The following NHEJ1 variants were observed in gnomAD, a reference collection of about 807,000 sequenced individuals.
NHEJ1 encodes the protein non-homologous end-joining factor 1.
A neutral mutation model predicts 39.4 loss-of-function variants in NHEJ1; 22 were observed. The observed-to-expected ratio is 0.56, with a 90% CI of 0.40 to 0.80. NHEJ1 has a LOEUF of 0.80. NHEJ1 is among the 30% of genes least tolerant of loss of function. The pLI is 0.00. For missense variants in NHEJ1, 329 were observed against 357.1 expected, an observed-to-expected ratio of 0.92 and a Z score of 0.63; for synonymous variants, 154 against 135.6, an observed-to-expected ratio of 1.14 and a Z score of -0.94.
In NHEJ1 at chr2:219,115,828, A is replaced by G. The variant is rs1214024087; in HGVS notation, c.588+30852T>C. Among the ~76,000 whole-genome samples the G allele has an allele frequency of 5.3e-5, 8 of 152,234 alleles. No individual in the cohort carries two copies. The East Asian group carries it at 1.5e-3, about 29-fold the overall frequency. ...ATAAGAAAAAGATGTTATCACATCA[A>G]ATATAATTCCTGGCCTGGCCCGGTG... On this transcript the variant is annotated intron_variant, in intron 5 of 7. Transcript: ENST00000356853.
intron 5 of NHEJ1, among the ~76,000 whole-genome samples, chr2:219,122,070 A>G (rs905891393): frequency 6.6e-6 from 1 of 152,214 alleles, no homozygotes; most frequent in Non-Finnish European, 1.5e-5. Context: ...AGACCACTTT[A>G]TAAGCAAGAA....
At chr2:219,077,754 G>A (rs1462275373) in intron 6 of NHEJ1, among the ~76,000 whole-genome samples, 2 of 151,982 alleles carry the variant, frequency 1.3e-5, no homozygotes, top group Non-Finnish European at 2.9e-5. Context: ...GAGGTTACTG[G>A]TGTGAGCCAC....
At chr2:219,123,373 A>C (rs1364039988) in intron 5 of NHEJ1, among the ~76,000 whole-genome samples, 1 of 152,248 alleles carries the variant, frequency 6.6e-6, no homozygotes, top group Non-Finnish European at 1.5e-5. Context: ...TCTACGACTG[A>C]TGCAGTGAGA....
chr2:219,151,127 C>CAAA (rs59576120), intron 3 of NHEJ1, among the ~76,000 whole-genome samples: 21 of 55,960 alleles, frequency 3.8e-4, no homozygotes, highest in African/African-American at 9.3e-4. Context: ...GACCTTATCT[C>CAAA]AAAAAAAAAA....
intron 5 of NHEJ1, among the ~76,000 whole-genome samples, chr2:219,107,799 G>C (rs1949327736): frequency 1.3e-5 from 2 of 152,110 alleles, no homozygotes; most frequent in South Asian, 4.2e-4. Context: ...AAGGGCTCTA[G>C]AAGCTCCAAG....
At chr2:219,124,331 A>G (rs1381979497) in intron 5 of NHEJ1, among the ~76,000 whole-genome samples, 1 of 152,194 alleles carries the variant, frequency 6.6e-6, no homozygotes, top group Admixed American at 6.5e-5. Flanking sequence ...GTAAGCTTTA[A>G]AAGGTTCCAT....
At chr2:219,155,341 G>T (rs1949842962) in intron 3 of NHEJ1, among the ~76,000 whole-genome samples, 1 of 151,992 alleles carries the variant, frequency 6.6e-6, no homozygotes, top group South Asian at 2.1e-4. Flanking sequence ...AAGGCAGGAG[G>T]ATTGCTTGAG....
intron 5 of NHEJ1, among the ~76,000 whole-genome samples, chr2:219,130,984 C>T (rs1340862159): frequency 6.6e-6 from 1 of 151,890 alleles, no homozygotes; most frequent in Non-Finnish European, 1.5e-5. Context: ...CCCAGCTACT[C>T]GGGAGGCTGA....
intron 5 of NHEJ1, among the ~76,000 whole-genome samples, chr2:219,136,880 G>A (rs975353344): frequency 6.6e-6 from 1 of 152,104 alleles, no homozygotes; most frequent in Admixed American, 6.6e-5. Context: ...TGGGATTACA[G>A]ACCTGAGCCA....
chr2:219,150,681 C>T (rs183517882), intron 3 of NHEJ1, among the ~76,000 whole-genome samples: 7 of 152,132 alleles, frequency 4.6e-5, no homozygotes, highest in South Asian at 4.2e-4. Context: ...ATTGGCCGGA[C>T]GCAGTGGCTC....
intron 3 of NHEJ1, among the ~76,000 whole-genome samples, chr2:219,157,033 T>C (rs1029082591): frequency 6.6e-6 from 1 of 152,206 alleles, no homozygotes; most frequent in Non-Finnish European, 1.5e-5. Flanking sequence ...ATTTATTTTC[T>C]CCTACTCATC....
intron 1 of NHEJ1, among the ~76,000 whole-genome samples, chr2:219,159,528 T>TATATATGTATGC (rs1553549779): frequency 1.1e-5 from 1 of 92,236 alleles, no homozygotes; most frequent in Admixed American, 1.1e-4. Flanking sequence ...TATATATGCA[T>TATATATGTATGC]ATATATATGC....
At chr2:219,156,968 C>T (rs997651541) in intron 3 of NHEJ1, among the ~76,000 whole-genome samples, 18 of 152,182 alleles carry the variant, frequency 1.2e-4, no homozygotes, top group African/African-American at 4.3e-4. Context: ...ATGAAGTTCC[C>T]GAACTTGCTC....
chr2:219,128,615 G>A (rs941917909), intron 5 of NHEJ1, among the ~76,000 whole-genome samples: 2 of 152,080 alleles, frequency 1.3e-5, no homozygotes, highest in Non-Finnish European at 2.9e-5. Flanking sequence ...CCAAGCACGC[G>A]ACTTCCAGCA....
At chr2:219,084,763 T>C (rs1364419460) in intron 5 of NHEJ1, among the ~76,000 whole-genome samples, 3 of 152,188 alleles carry the variant, frequency 2.0e-5, no homozygotes, top group African/African-American at 7.2e-5. Flanking sequence ...CCCCTGCTTC[T>C]CAAAGCTCTC....
intron 5 of NHEJ1, chr2:219,102,624 T>C (rs1949273348): frequency 6.6e-6 from 1 of 151,800 alleles, no homozygotes; most frequent in Admixed American, 6.6e-5. Context: ...CAACACAGGT[T>C]GTTAACAGAG....
chr2:219,134,687 A>G (rs1267157249), intron 5 of NHEJ1, among the ~76,000 whole-genome samples: 1 of 152,130 alleles, frequency 6.6e-6, no homozygotes, highest in Non-Finnish European at 1.5e-5. Flanking sequence ...CTGAGCTTCA[A>G]CCCTAGTTTT....
chr2:219,091,657 T>C lies in NHEJ1; in HGVS notation c.589-13451A>G, dbSNP rs190670223. 6.4e-4 allele frequency among the ~76,000 whole-genome samples: 97 copies of C among 152,290 alleles called. 1 individual carries two copies. Among genetic ancestry groups the C allele is most frequent in the Non-Finnish European group, 1.1e-3 (72 of 68,016 alleles). ...GCTAAGCTAGCCTGAGGTCTAGCAATGTTGAATTCGACTCTAGGAAATATA... is the reference window on the plus strand; with the variant it reads ...GCTAAGCTAGCCTGAGGTCTAGCAACGTTGAATTCGACTCTAGGAAATATA... On this transcript the variant is annotated intron_variant, in intron 5 of 7. Coordinates refer to ENST00000356853, the MANE Select transcript of NHEJ1 (RefSeq NM_024782.3).
intron 5 of NHEJ1, among the ~76,000 whole-genome samples, chr2:219,100,740 C>A (rs924719983): frequency 1.3e-5 from 2 of 151,940 alleles, no homozygotes; most frequent in Non-Finnish European, 2.9e-5. Flanking sequence ...CCAAGCCAGA[C>A]AGGGTTGAGG....
Sources: allele counts gnomAD v4.1 joint callset (sites outside exome capture counted in the v4.1 genomes callset), GRCh38; gene constraint gnomAD v4.1.1; transcripts MANE v1.5; gene names NCBI Gene and HGNC (gene_info 2026-07-23, HGNC 2026-07-21).